ADAM32: variants seen among roughly 807,000 people sequenced by gnomAD.
The protein encoded by ADAM32 is ADAM metallopeptidase domain 32.
Under a neutral mutation model 114.9 loss-of-function variants are expected in ADAM32, and 89 were observed. The ratio of observed to expected loss-of-function variants is 0.77; its 90% CI spans 0.65 to 0.92. ADAM32 has a LOEUF of 0.92. Ranked by LOEUF, ADAM32 falls within the 40% of genes least tolerant of loss-of-function variation. The pLI is 0.00. For missense variants in ADAM32, 870 were observed against 932.8 expected (o/e 0.93, Z 0.88); for synonymous variants, 285 against 307.5 (o/e 0.93, Z 0.77).
intron 1 of ADAM32, among the ~76,000 whole-genome samples, chr8:39,113,941 A>T (rs747514800): frequency 1.2e-4 from 19 of 152,196 alleles, no homozygotes; most frequent in Non-Finnish European, 2.6e-4. Context: ...ATAACTGCAT[A>T]TTAGGTATTA....
chr8:39,124,396 T>G (rs12546310), intron 2 of ADAM32, among the ~76,000 whole-genome samples: 114,871 of 150,716 alleles, frequency 0.76, 44,258 homozygotes, highest in African/African-American at 0.88. Context: ...TGGTATAGAT[T>G]TACCACATTT....
intron 10 of ADAM32, among the ~76,000 whole-genome samples, chr8:39,185,345 A>AG (rs1806159803): frequency 1.5e-5 from 1 of 64,808 alleles, no homozygotes; most frequent in African/African-American, 6.3e-5. Context: ...CAGTCTACAA[A>AG]AAAAAAACAA....
intron 2 of ADAM32, among the ~76,000 whole-genome samples, chr8:39,125,100 G>C (rs981946527): frequency 6.6e-6 from 1 of 152,160 alleles, no homozygotes; most frequent in Admixed American, 6.5e-5. Context: ...AATGAGCAAT[G>C]ATGTTGAGTT....
chr8:39,147,752 T>A (rs1296976079), intron 4 of ADAM32, among the ~76,000 whole-genome samples: 1 of 152,084 alleles, frequency 6.6e-6, no homozygotes, highest in East Asian at 1.9e-4. Context: ...GTCCATCCCT[T>A]CATTTTATTT....
At chr8:39,167,857 T>C (rs1260666680) in intron 9 of ADAM32, 1 of 152,182 alleles carries the variant, frequency 6.6e-6, no homozygotes, top group Admixed American at 6.6e-5. Flanking sequence ...GTTGGTGTTA[T>C]AGAAGAACTA....
At chr8:39,111,696 G>C (rs1840162313) in intron 1 of ADAM32, among the ~76,000 whole-genome samples, 1 of 131,202 alleles carries the variant, frequency 7.6e-6, no homozygotes, top group Non-Finnish European at 1.5e-5. Flanking sequence ...ACTCCAGCCT[G>C]GGCAACAGAG....
At chr8:39,227,793 C>A (rs1809479469) in intron 14 of ADAM32, among the ~76,000 whole-genome samples, 1 of 152,140 alleles carries the variant, frequency 6.6e-6, no homozygotes, top group Non-Finnish European at 1.5e-5. Context: ...GTTCTAGGGC[C>A]CCACCCACCA....
intron 7 of ADAM32, 130 bp downstream of exon 7, chr8:39,161,095 T>C: frequency 3.7e-6 from 3 of 810,834 alleles, no homozygotes; most frequent in Non-Finnish European, 5.5e-6. Flanking sequence ...AGTGGAAAAA[T>C]GTGCAAACTG....
At chr8:39,265,178 T>C (rs747224386) in intron 19 of ADAM32, among the ~76,000 whole-genome samples, 49 of 152,218 alleles carry the variant, frequency 3.2e-4, no homozygotes, top group Admixed American at 1.3e-4. Context: ...ATCCAGGTGT[T>C]ACACTGTTGG....
At chr8:39,202,494 T>G (rs1033422177) in intron 11 of ADAM32, among the ~76,000 whole-genome samples, 8 of 152,206 alleles carry the variant, frequency 5.3e-5, no homozygotes, top group Non-Finnish European at 1.5e-5. Context: ...CATTTTTTAT[T>G]GCGTCTATTT....
At chr8:39,197,205 A>G (rs1807068162) in intron 11 of ADAM32, among the ~76,000 whole-genome samples, 1 of 151,878 alleles carries the variant, frequency 6.6e-6, no homozygotes, top group African/African-American at 2.4e-5. Context: ...TCATTATTTA[A>G]TTTATTGGGT....
intron 14 of ADAM32, among the ~76,000 whole-genome samples, chr8:39,224,419 A>G (rs543391451): frequency 8.5e-5 from 13 of 152,298 alleles, no homozygotes; most frequent in African/African-American, 3.1e-4. Context: ...TTTTCTCCAC[A>G]TCTTCACCAA....
chr8:39,163,428 A>C (rs757641854), intron 7 of ADAM32, among the ~76,000 whole-genome samples: 2 of 151,188 alleles, frequency 1.3e-5, no homozygotes, highest in African/African-American at 4.9e-5. Context: ...TTTTGGTAAT[A>C]GTGTAGGGAC....
intron 17 of ADAM32, among the ~76,000 whole-genome samples, chr8:39,251,682 T>C (rs113733224): frequency 6.6e-6 from 1 of 151,912 alleles, no homozygotes. Flanking sequence ...CTTCACTTTG[T>C]TGATTGCTTC....
intron 2 of ADAM32, among the ~76,000 whole-genome samples, chr8:39,128,617 G>A (rs1420870516): frequency 6.6e-6 from 1 of 152,152 alleles, no homozygotes; most frequent in African/African-American, 2.4e-5. Context: ...AGTGTCACTG[G>A]TCTGTGTACT....
At chr8:39,166,955 A>G (rs1191395789) in intron 9 of ADAM32, 1 of 152,128 alleles carries the variant, frequency 6.6e-6, no homozygotes, top group East Asian at 1.9e-4. Flanking sequence ...TCAGATGTAT[A>G]GATTGTGAAG....
At chr8:39,186,865 T>C (rs1484164485) in intron 10 of ADAM32, 44 bp from the exon 11 acceptor site, 14 of 1,476,140 alleles carry the variant, frequency 9.5e-6, no homozygotes, top group Non-Finnish European at 1.2e-5. Flanking sequence ...TACCACCCTT[T>C]AGAGAATTAT....
chr8:39,187,526 C>T (rs895082588), intron 11 of ADAM32, among the ~76,000 whole-genome samples: 1 of 152,204 alleles, frequency 6.6e-6, no homozygotes, highest in African/African-American at 2.4e-5. Context: ...CCGCCTCGGC[C>T]TCCCAAAGTG....
intron 20 of ADAM32, 27 bp from the exon 21 acceptor site, chr8:39,274,285 G>C (rs575792520): frequency 6.2e-7 from 1 of 1,612,462 alleles, no homozygotes; most frequent in South Asian, 1.1e-5. Flanking sequence ...GTACTAACTT[G>C]AGACATTGCT....
Sources: allele counts gnomAD v4.1 joint callset (sites outside exome capture counted in the v4.1 genomes callset), GRCh38; gene constraint gnomAD v4.1.1; transcripts MANE v1.5; gene names NCBI Gene and HGNC (gene_info 2026-07-23, HGNC 2026-07-21).